MAP3K1: variants seen among roughly 807,000 people sequenced by gnomAD.
The protein encoded by MAP3K1 is mitogen-activated protein kinase kinase kinase 1, also known as MAP/ERK kinase kinase 1.
A neutral mutation model predicts 144.2 loss-of-function variants in MAP3K1; 36 were observed. The ratio of observed to expected loss-of-function variants is 0.25; its 90% CI spans 0.19 to 0.33. The LOEUF is 0.33. Ranked by LOEUF, MAP3K1 falls within the 10% of genes least tolerant of loss-of-function variation. The pLI is 1.00. For synonymous variants in MAP3K1, 718 were observed against 688.7 expected (o/e 1.04, Z -0.67); for missense variants, 1,650 against 1,881.9 (o/e 0.88, Z 2.28).
intron 3 of MAP3K1, 54 bp downstream of exon 3, chr5:56,859,969 A>G (rs1205320425): frequency 4.2e-6 from 6 of 1,425,250 alleles, no homozygotes; most frequent in Non-Finnish European, 5.8e-6. Flanking sequence ...AGCTTCATTT[A>G]TAACAAAGAA....
chr5:56,846,680 A>G (rs1473759867), intron 1 of MAP3K1, among the ~76,000 whole-genome samples: 2 of 152,126 alleles, frequency 1.3e-5, no homozygotes, highest in African/African-American at 4.8e-5. Flanking sequence ...TCTGATGTGT[A>G]TTTGACTTGT....
chr5:56,893,142 A>G (rs901593799), intron 19 of MAP3K1, among the ~76,000 whole-genome samples: 3 of 152,196 alleles, frequency 2.0e-5, no homozygotes, highest in African/African-American at 4.8e-5. Context: ...CTTAATCTAA[A>G]TAGCTCTGTA....
At position 56,815,617 on chromosome 5, in the gene MAP3K1, C is replaced by A; in HGVS notation, c.44C>A (p.Pro15Gln). ...AATCGCGCCTCGTCGTCGGGATTCC[C>A]GGGCGCCAGGGCTACGAGCCCTGAG... is the stretch of plus-strand genomic sequence containing the variant. ...AGNRASSSGF[P>Q]GARATSPEAG... The change falls in exon 1 of 20, where the codon CCG (proline) becomes CAG (glutamine). Residue 15 changes from proline to glutamine, a missense_variant. By Grantham distance (76) the Pro-to-Gln change is moderately conservative. This residue lies in a region of MAP3K1 where 360 missense variants were observed against 274.7 expected (regional missense o/e 1.31). Coordinates refer to ENST00000399503, the MANE Select transcript of MAP3K1 (RefSeq NM_005921.2). 1 of 1,312,222 alleles carries A rather than the reference C, an allele frequency of 7.6e-7. No individual in the cohort carries two copies. The highest frequency in any genetic ancestry group is 9.7e-7 in the Non-Finnish European group (1 of 1,031,476). The allele number at this position is 1,312,222 out of a possible 1,614,324, so 81.3% of individuals were successfully genotyped here.
At chr5:56,845,739 A>G (rs559424808) in intron 1 of MAP3K1, among the ~76,000 whole-genome samples, 2 of 152,380 alleles carry the variant, frequency 1.3e-5, no homozygotes, top group African/African-American at 4.8e-5. Context: ...AAAGGTTTCT[A>G]AAGGTTTTTC....
intron 6 of MAP3K1, among the ~76,000 whole-genome samples, chr5:56,866,515 A>G (rs553678623): frequency 1.3e-5 from 2 of 152,292 alleles, no homozygotes; most frequent in African/African-American, 4.8e-5. Flanking sequence ...TACAGCATTC[A>G]TGTGAATCTT....
chr5:56,883,918 G>A (rs1748301182), intron 15 of MAP3K1, among the ~76,000 whole-genome samples: 1 of 152,178 alleles, frequency 6.6e-6, no homozygotes, highest in African/African-American at 2.4e-5. Flanking sequence ...GGAGGCCAAG[G>A]TGGTTGGATC....
chr5:56,867,864 A>G (rs573348088), intron 6 of MAP3K1, among the ~76,000 whole-genome samples: 6 of 152,338 alleles, frequency 3.9e-5, no homozygotes, highest in Admixed American at 6.5e-5. Context: ...TCCAACAGCA[A>G]TTGAATGATT....
At chr5:56,867,800 A>G (rs1346840840) in intron 6 of MAP3K1, among the ~76,000 whole-genome samples, 1 of 152,210 alleles carries the variant, frequency 6.6e-6, no homozygotes, top group African/African-American at 2.4e-5. Flanking sequence ...CACATATATC[A>G]TATATGACTG....
intron 18 of MAP3K1, chr5:56,887,913 G>C (rs932541375): frequency 4.5e-6 from 2 of 449,032 alleles, no homozygotes; most frequent in Admixed American, 7.6e-5. Context: ...TTCTGACTCA[G>C]CTTCTTCTGT....
intron 1 of MAP3K1, among the ~76,000 whole-genome samples, chr5:56,846,650 C>T (rs1209371455): frequency 6.6e-6 from 1 of 152,200 alleles, no homozygotes. Context: ...GGCTATATCT[C>T]CATGTCCCCC....
chr5:56,835,218 C>T (rs1023483664), intron 1 of MAP3K1, among the ~76,000 whole-genome samples: 19 of 152,148 alleles, frequency 1.2e-4, no homozygotes, highest in Non-Finnish European at 4.4e-5. Context: ...CTGAAGAATG[C>T]CAGTATTTCC....
chr5:56,850,726 C>T (rs767720168), intron 1 of MAP3K1, among the ~76,000 whole-genome samples: 1 of 152,092 alleles, frequency 6.6e-6, no homozygotes, highest in Non-Finnish European at 1.5e-5. Flanking sequence ...CCCAAGCCTC[C>T]GATGGAAAAG....
chr5:56,837,412 A>G (rs1230776658), intron 1 of MAP3K1, among the ~76,000 whole-genome samples: 1 of 152,052 alleles, frequency 6.6e-6, no homozygotes, highest in Non-Finnish European at 1.5e-5. Context: ...CTGGGGTTGA[A>G]AGCTGTCATT....
Position 56,828,902 on chromosome 5 carries a change from A to G in MAP3K1, c.482+12847A>G, listed in dbSNP as rs60662913. Among the ~76,000 whole-genome samples the G allele has an allele frequency of 3.1e-3, 475 of 152,162 alleles. 2 individuals are homozygous for G. Among genetic ancestry groups the G allele is most frequent in the African/African-American group, 0.011 (457 of 41,506 alleles). On this transcript the variant is annotated intron_variant, in intron 1 of 19. Coordinates refer to ENST00000399503, the MANE Select transcript of MAP3K1 (RefSeq NM_005921.2). ...TGCATCTTTTTTTTTTAAGTTAAAA[A>G]TGCATCGCTTGGTAACAATCATATT...
At chr5:56,825,067 G>GAACAAAGT (rs1746271450) in intron 1 of MAP3K1, among the ~76,000 whole-genome samples, 1 of 152,016 alleles carries the variant, frequency 6.6e-6, no homozygotes, top group Admixed American at 6.6e-5. Flanking sequence ...GAGTGCAATG[G>GAACAAAGT]CACAATCTTG....
chr5:56,867,948 T>A (rs1036789807), intron 6 of MAP3K1, among the ~76,000 whole-genome samples: 4 of 152,178 alleles, frequency 2.6e-5, no homozygotes, highest in Non-Finnish European at 5.9e-5. Context: ...TTGAATGGCC[T>A]GGGAAAATGT....
chr5:56,895,629 T>C lies in MAP3K1; in HGVS notation c.*1949T>C, dbSNP rs1748681018. 4.3e-6 allele frequency: 1 copy of C among 232,370 alleles called. No individual in the cohort carries two copies. Among genetic ancestry groups the C allele is most frequent in the Non-Finnish European group, 8.5e-6 (1 of 117,592 alleles). The allele number at this position is 232,370 out of a possible 1,614,324, so 14.4% of individuals were successfully genotyped here. ...GATTTCAAAATCCATTGTGTTTGAG[T>C]TTGTTTGCAGTTCCCTCAGCTTGCT... is the stretch of plus-strand genomic sequence containing the variant. On this transcript the variant is annotated 3_prime_UTR_variant, in exon 20 of 20. Coordinates refer to ENST00000399503, the MANE Select transcript of MAP3K1 (RefSeq NM_005921.2).
At chr5:56,860,212 A>G (rs1477408728) in intron 3 of MAP3K1, among the ~76,000 whole-genome samples, 1 of 152,200 alleles carries the variant, frequency 6.6e-6, no homozygotes, top group Admixed American at 6.5e-5. Flanking sequence ...AACTATATTC[A>G]TTATTGCTAT....
At position 56,895,433 on chromosome 5, in the gene MAP3K1, G is replaced by A; in HGVS notation, c.*1753G>A. ...ATAAGATTGTTTCCAAGTCTCTCAT[G>A]TGCAAGCTTTAAAGGATGCACTCTT... is the stretch of plus-strand genomic sequence containing the variant. On this transcript the variant is annotated 3_prime_UTR_variant, in exon 20 of 20. Transcript: ENST00000399503. The A allele has an allele frequency of 4.4e-6, 1 of 224,786 alleles. No individual in the cohort carries two copies. Among genetic ancestry groups the A allele is most frequent in the African/African-American group, 2.3e-5 (1 of 42,888 alleles). The allele number at this position is 224,786 out of a possible 1,614,324, so 13.9% of individuals were successfully genotyped here. A position where few individuals can be genotyped will look rare whatever the true frequency, so the allele number is the denominator to read the frequency against.
Sources: allele counts gnomAD v4.1 joint callset (sites outside exome capture counted in the v4.1 genomes callset), GRCh38; gene constraint gnomAD v4.1.1; regional missense constraint gnomAD v4.1.1; transcripts MANE v1.5; gene names NCBI Gene and HGNC (gene_info 2026-07-23, HGNC 2026-07-21).